Variants in CSMD1 observed in about 807,000 individuals in gnomAD.
The protein encoded by CSMD1 is CUB and Sushi multiple domains 1.
A neutral mutation model predicts 417.5 loss-of-function variants in CSMD1; 213 were observed. That is an observed-to-expected ratio of 0.51 (90% confidence interval 0.46 to 0.57). The LOEUF (loss-of-function observed/expected upper bound fraction) is 0.57, where lower values mean the gene tolerates loss of function less well. Ranked by LOEUF, CSMD1 falls within the 20% of genes least tolerant of loss-of-function variation. The pLI, the probability that CSMD1 is intolerant of heterozygous loss-of-function variation, is 0.00. For synonymous variants in CSMD1, 2,862 were observed against 1,736.8 expected, an observed-to-expected ratio of 1.65 and a Z score of -16.11; for missense variants, 6,923 against 4,529.7, an observed-to-expected ratio of 1.53 and a Z score of -15.17.
chr8:4,086,400 G>C (rs964992930), intron 3 of CSMD1, among the ~76,000 whole-genome samples: 1 of 152,156 alleles, frequency 6.6e-6, no homozygotes, highest in Non-Finnish European at 1.5e-5. Context: ...CAGGCAGACA[G>C]ACTTGTAAAT....
rs750724851 is a variant in CSMD1 at position 2,998,181 on chromosome 8, A to T, written c.8207T>A (p.Ile2736Asn). 6.2e-7 allele frequency: 1 copy of T among 1,613,868 alleles called. No homozygotes were observed. The highest frequency in any genetic ancestry group is 8.5e-7 in the Non-Finnish European group (1 of 1,179,776). Residue 2736 changes from isoleucine (I) to asparagine (N), a missense_variant, in exon 54 of 70, where the codon ATC (isoleucine) becomes AAC (asparagine). Ile to Asn is a moderately radical substitution (Grantham distance 149). Coordinates refer to ENST00000635120, the MANE Select transcript of CSMD1 (RefSeq NM_033225.6). ...AGGGTTTCCAGGGTGACCACATGTG[A>T]TGGCTGTAGAGAGACAGGTCAACGT... ...WSGQTPVCVP[I>N]TCGHPGNPAH...
chr8:2,966,775 C>T (rs768285481), intron 57 of CSMD1, 29 bp from the exon 58 acceptor site: 2 of 1,605,926 alleles, frequency 1.2e-6, no homozygotes, highest in Non-Finnish European at 1.7e-6. Context: ...CACCACCACA[C>T]ACAGTGAGTG....
intron 3 of CSMD1, among the ~76,000 whole-genome samples, chr8:4,333,187 T>C (rs563764866): frequency 2.0e-5 from 3 of 152,264 alleles, no homozygotes; most frequent in African/African-American, 7.2e-5. Flanking sequence ...AGTTGGGATA[T>C]CATGCCACTC....
At chr8:2,992,896 C>T (rs76351173) in intron 54 of CSMD1, among the ~76,000 whole-genome samples, 2,098 of 151,892 alleles carry the variant, frequency 0.014, 21 homozygotes, top group Middle Eastern at 0.027. Context: ...TACCTACCAT[C>T]GCAGCTGGCT....
At chr8:3,422,601 G>C (rs1486191896) in intron 12 of CSMD1, among the ~76,000 whole-genome samples, 1 of 152,192 alleles carries the variant, frequency 6.6e-6, no homozygotes, top group Admixed American at 6.5e-5. Context: ...AATAGGGCTA[G>C]ACCATGATCT....
At chr8:3,779,681 A>G (rs1351698637) in intron 5 of CSMD1, among the ~76,000 whole-genome samples, 2 of 152,208 alleles carry the variant, frequency 1.3e-5, no homozygotes, top group Non-Finnish European at 2.9e-5. Context: ...TAAAATATAG[A>G]AAACCAGATA....
intron 12 of CSMD1, among the ~76,000 whole-genome samples, chr8:3,438,013 C>A (rs1585164292): frequency 6.6e-6 from 1 of 152,160 alleles, no homozygotes; most frequent in African/African-American, 2.4e-5. Context: ...AGTACTGATA[C>A]CTATTTCTAA....
intron 5 of CSMD1, among the ~76,000 whole-genome samples, chr8:3,967,950 G>A (rs139862040): frequency 0.016 from 2,420 of 148,068 alleles, 59 homozygotes; most frequent in African/African-American, 0.056. Flanking sequence ...TGCGGATCAC[G>A]AGGTCAGGAG....
At chr8:3,359,097 C>A in intron 21 of CSMD1, 55 bp downstream of exon 21, 2 of 1,576,078 alleles carry the variant, frequency 1.3e-6, no homozygotes, top group South Asian at 1.1e-5. Context: ...GGCTTCTTGC[C>A]TGGGCTAGAC....
At chr8:4,004,770 C>A (rs765661454) in intron 4 of CSMD1, among the ~76,000 whole-genome samples, 5 of 151,786 alleles carry the variant, frequency 3.3e-5, no homozygotes, top group Non-Finnish European at 7.4e-5. Context: ...TTTGAGATGG[C>A]GTCTCACTCT....
chr8:4,344,390 G>A (rs1319260197), intron 3 of CSMD1, among the ~76,000 whole-genome samples: 1 of 152,032 alleles, frequency 6.6e-6, no homozygotes, highest in Non-Finnish European at 1.5e-5. Context: ...CAAGCTCAGA[G>A]AGTACCTACT....
chr8:4,628,964 A>G (rs979611490), intron 2 of CSMD1, among the ~76,000 whole-genome samples: 16 of 152,190 alleles, frequency 1.1e-4, no homozygotes, highest in Admixed American at 3.3e-4. Flanking sequence ...AATGAAACAT[A>G]TATGTGAGAG....
At chr8:4,150,280 G>A (rs1172419962) in intron 3 of CSMD1, among the ~76,000 whole-genome samples, 3 of 152,226 alleles carry the variant, frequency 2.0e-5, no homozygotes, top group South Asian at 4.1e-4. Flanking sequence ...CCCAGATGTA[G>A]AAGTCTCCAA....
intron 4 of CSMD1, among the ~76,000 whole-genome samples, chr8:4,012,218 CACTCGTCTCTTTAGAT>C (rs1484466905): frequency 3.4e-4 from 51 of 152,090 alleles, no homozygotes; most frequent in Non-Finnish European, 6.2e-4. Flanking sequence ...CCGTTTTACT[CACTCGTCTCTTTAGAT>C]ACTACTCTTC....
chr8:3,458,713 A>T (rs1323818670), intron 12 of CSMD1, among the ~76,000 whole-genome samples: 1 of 152,210 alleles, frequency 6.6e-6, no homozygotes, highest in Non-Finnish European at 1.5e-5. Flanking sequence ...CAAACACTTA[A>T]TTATTAATAT....
At chr8:3,318,169 C>A (rs554827593) in intron 23 of CSMD1, among the ~76,000 whole-genome samples, 35 of 152,172 alleles carry the variant, frequency 2.3e-4, no homozygotes, top group African/African-American at 8.2e-4. Context: ...ATATATAGTA[C>A]CTTAGGCTTG....
At chr8:4,776,025 G>T (rs1451851145) in intron 1 of CSMD1, among the ~76,000 whole-genome samples, 1 of 152,054 alleles carries the variant, frequency 6.6e-6, no homozygotes, top group African/African-American at 2.4e-5. Context: ...AGGACTTGAG[G>T]GCAGTTTGAC....
intron 2 of CSMD1, among the ~76,000 whole-genome samples, chr8:4,433,003 C>A (rs761820520): frequency 9.9e-5 from 15 of 152,122 alleles, no homozygotes; most frequent in Non-Finnish European, 2.1e-4. Context: ...GCATTACATT[C>A]CCACAGGAGC....
At chr8:3,313,683 G>A (rs4401885) in intron 23 of CSMD1, among the ~76,000 whole-genome samples, 2 of 152,006 alleles carry the variant, frequency 1.3e-5, no homozygotes, top group African/African-American at 2.4e-5. Flanking sequence ...GACTGTAAAC[G>A]AGTTCAACCA....
Sources: allele counts gnomAD v4.1 joint callset (sites outside exome capture counted in the v4.1 genomes callset), GRCh38; gene constraint gnomAD v4.1.1; transcripts MANE v1.5; gene names NCBI Gene and HGNC (gene_info 2026-07-23, HGNC 2026-07-21).